The following STX7 variants were observed in gnomAD, a reference collection of about 807,000 sequenced individuals.
STX7 encodes the protein syntaxin 7.
Under a neutral mutation model 39.6 loss-of-function variants are expected in STX7, and 34 were observed. That is an observed-to-expected ratio of 0.86 (90% CI 0.65 to 1.14). The LOEUF (loss-of-function observed/expected upper bound fraction) is 1.14, where lower values mean the gene tolerates loss of function less well. Among genes scored for constraint, STX7 ranks in the 50% most tolerant of loss-of-function variants. STX7 has a pLI of 0.00. For missense variants in STX7, 284 were observed against 310.4 expected (o/e 0.92, Z 0.64); for synonymous variants, 119 against 99.1 (o/e 1.20, Z -1.19).
intron 6 of STX7, 60 bp from the exon 7 acceptor site, chr6:132,470,107 C>A (rs1375051833): frequency 2.4e-6 from 3 of 1,248,194 alleles, no homozygotes; most frequent in Non-Finnish European, 3.3e-6. Context: ...CAATGGGACT[C>A]ATTTCCTATT....
At position 132,451,610 on chromosome 6, in the gene STX7, T is replaced by C. The variant is rs1582637089; in HGVS notation, c.*9148A>G. 1 of 152,168 alleles carries C rather than the reference T, an allele frequency of 6.6e-6. No homozygotes were observed. Among genetic ancestry groups the C allele is most frequent in the African/African-American group, 2.4e-5 (1 of 41,436 alleles). The allele number at this position is 152,168 out of a possible 1,614,324, so 9.4% of individuals were successfully genotyped here. On this transcript the variant is annotated 3_prime_UTR_variant, in exon 10 of 10. Transcript: ENST00000367941. The stretch of plus-strand genomic sequence containing the variant: ...AAGGAAATGATAAATGAAGGAGTTT[T>C]GGAATATCAGACATCAAAAGTCTAA...
intron 2 of STX7, among the ~76,000 whole-genome samples, chr6:132,484,467 C>T (rs1775082190): frequency 6.6e-6 from 1 of 152,108 alleles, no homozygotes; most frequent in South Asian, 2.1e-4. Flanking sequence ...CAGACTTCAC[C>T]AGCAAATGGA....
intron 9 of STX7, among the ~76,000 whole-genome samples, chr6:132,461,442 G>T (rs1260516098): frequency 6.6e-6 from 1 of 152,090 alleles, no homozygotes; most frequent in African/African-American, 2.4e-5. Flanking sequence ...AAGTAGCTGG[G>T]ATTACAGGCG....
At chr6:132,488,912 G>A (rs1048904650) in intron 2 of STX7, among the ~76,000 whole-genome samples, 4 of 151,982 alleles carry the variant, frequency 2.6e-5, no homozygotes, top group African/African-American at 9.7e-5. Flanking sequence ...GTTAAACAAA[G>A]TGATATAGGC....
intron 7 of STX7, 50 bp downstream of exon 7, chr6:132,469,901 A>C: frequency 6.8e-7 from 1 of 1,463,306 alleles, no homozygotes; most frequent in Non-Finnish European, 9.3e-7. Context: ...TCTTGAGAAC[A>C]AACTCACTAA....
intron 2 of STX7, among the ~76,000 whole-genome samples, chr6:132,479,659 A>G (rs543919390): frequency 2.1e-4 from 32 of 152,310 alleles, no homozygotes; most frequent in African/African-American, 7.5e-4. Flanking sequence ...AAAGCCACAT[A>G]TAGACTCAAC....
Position 132,503,599 on chromosome 6 carries a change from T to C in STX7, c.-58-11A>G. 1 of 1,223,332 alleles carries C rather than the reference T, an allele frequency of 8.2e-7. No homozygotes were observed. The highest frequency in any genetic ancestry group is 2.4e-5 in the East Asian group (1 of 41,996). The allele number at this position is 1,223,332 out of a possible 1,614,324, so 75.8% of individuals were successfully genotyped here. A position where few individuals can be genotyped will look rare whatever the true frequency, so the allele number is the denominator to read the frequency against. On this transcript the variant is annotated splice_polypyrimidine_tract_variant and intron_variant, in intron 1 of 9. Coordinates refer to ENST00000367941, the MANE Select transcript of STX7 (RefSeq NM_003569.3). ...TTTCTAAGCAGTCACCTAAATAATA[T>C]AAAAGTCACACAGATATATTTTTTA...
At chr6:132,493,145 G>C (rs940165069) in intron 2 of STX7, among the ~76,000 whole-genome samples, 1 of 152,062 alleles carries the variant, frequency 6.6e-6, no homozygotes, top group African/African-American at 2.4e-5. Context: ...TCATTAATAC[G>C]TAACTTCAAA....
chr6:132,471,622 G>C (rs1206054595), intron 4 of STX7, 22 bp from the exon 5 acceptor site: 1 of 1,606,286 alleles, frequency 6.2e-7, no homozygotes, highest in African/African-American at 1.3e-5. Flanking sequence ...AGAAGAAAAA[G>C]CCAACTAGAA....
chr6:132,460,739 A>G lies in STX7; in HGVS notation c.*19T>C, dbSNP rs374066364. 2 of 1,548,600 alleles carry G rather than the reference A, an allele frequency of 1.3e-6. No individual in the cohort carries two copies. Among genetic ancestry groups the G allele is most frequent in the African/African-American group, 2.7e-5 (2 of 73,350 alleles). On this transcript the variant is annotated 3_prime_UTR_variant, in exon 10 of 10. Coordinates refer to ENST00000367941, the MANE Select transcript of STX7 (RefSeq NM_003569.3). ...CATAATTTAGACAATGTAGTGCGAC[A>G]GTGTGCTCCTTTATAACTTCAGTGG...
Position 132,450,833 on chromosome 6 carries a change from GAAGA to G in STX7, c.*9921_*9924del, listed in dbSNP as rs1213787979. On this transcript the variant is annotated 3_prime_UTR_variant, in exon 10 of 10. Coordinates refer to ENST00000367941, the MANE Select transcript of STX7 (RefSeq NM_003569.3). ...TGTGTCATCAGAGTCTCAAAAGAAA[GAAGA>G]AAGAAGGAAGACTGAAAAAGTTCTT... The G allele has an allele frequency of 2.0e-5, 3 of 151,742 alleles. No individual in the cohort carries two copies. Among genetic ancestry groups the G allele is most frequent in the Non-Finnish European group, 2.9e-5 (2 of 67,940 alleles). The allele number at this position is 151,742 out of a possible 1,614,324, so 9.4% of individuals were successfully genotyped here. A position where few individuals can be genotyped will look rare whatever the true frequency, so the allele number is the denominator to read the frequency against.
intron 2 of STX7, among the ~76,000 whole-genome samples, chr6:132,479,808 T>C (rs1436472871): frequency 2.0e-5 from 3 of 152,218 alleles, no homozygotes; most frequent in Non-Finnish European, 4.4e-5. Context: ...ATTCATCCTT[T>C]GGACTTCCCA....
chr6:132,503,497 C>T lies in STX7; in HGVS notation c.34G>A (p.Ala12Thr), dbSNP rs1044057. ...SYTPGVGGDP[A>T]QLAQRISSNI... ...GAAGAGATCCTCTGGGCCAACTGGGCGGGGTCACCACCAACTCCTGGAGTG... is the reference window on the plus strand; with the variant it reads ...GAAGAGATCCTCTGGGCCAACTGGGTGGGGTCACCACCAACTCCTGGAGTG... The change falls in exon 2 of 10, where the codon GCC (alanine) becomes ACC (threonine). Residue 12 changes from alanine to threonine, a missense_variant. By Grantham distance (58) the Ala-to-Thr change is moderately conservative. Coordinates refer to ENST00000367941, the MANE Select transcript of STX7 (RefSeq NM_003569.3). 8.9e-5 allele frequency: 143 copies of T among 1,613,932 alleles called. No homozygotes were observed. Among genetic ancestry groups the T allele is most frequent in the East Asian group, 6.9e-4 (31 of 44,862 alleles).
At chr6:132,497,388 C>T (rs551089194) in intron 2 of STX7, among the ~76,000 whole-genome samples, 5 of 152,172 alleles carry the variant, frequency 3.3e-5, no homozygotes, top group African/African-American at 9.6e-5. Context: ...AAAGTCAGGA[C>T]ACTGGTTATC....
chr6:132,460,752 A>C lies in STX7; in HGVS notation c.*6T>G, dbSNP rs756943792. On this transcript the variant is annotated 3_prime_UTR_variant, in exon 10 of 10. Coordinates refer to ENST00000367941, the MANE Select transcript of STX7 (RefSeq NM_003569.3). ...ATGTAGTGCGACAGTGTGCTCCTTTATAACTTCAGTGGTTCAATCCCCATA... is the reference window on the plus strand; with the variant it reads ...ATGTAGTGCGACAGTGTGCTCCTTTCTAACTTCAGTGGTTCAATCCCCATA... 1 of 1,603,152 alleles carries C rather than the reference A, an allele frequency of 6.2e-7. No homozygotes were observed. The highest frequency in any genetic ancestry group is 1.1e-5 in the South Asian group (1 of 90,346).
chr6:132,504,986 G>C (rs1298072631), intron 1 of STX7, among the ~76,000 whole-genome samples: 1 of 152,326 alleles, frequency 6.6e-6, no homozygotes, highest in East Asian at 1.9e-4. Flanking sequence ...GGCCAACCCT[G>C]GATCAGATGA....
intron 9 of STX7, among the ~76,000 whole-genome samples, chr6:132,462,475 A>G (rs1450326984): frequency 6.6e-6 from 1 of 152,118 alleles, no homozygotes; most frequent in African/African-American, 2.4e-5. Flanking sequence ...ATTTCCCCCA[A>G]ATCCAAAAGC....
At chr6:132,492,109 A>C (rs7745091) in intron 2 of STX7, among the ~76,000 whole-genome samples, 3,559 of 152,240 alleles carry the variant, frequency 0.023, 128 homozygotes, top group African/African-American at 0.08. Context: ...CTGACCTGGT[A>C]CCAACTCTCT....
At chr6:132,461,894 G>C (rs1230727606) in intron 9 of STX7, 2 of 1,515,322 alleles carry the variant, frequency 1.3e-6, no homozygotes, top group Non-Finnish European at 1.8e-6. Context: ...AATTTACTTT[G>C]TGTCAAGTAG....
Sources: gnomAD v4.1 joint callset for allele counts (sites outside exome capture counted in the v4.1 genomes callset) on GRCh38, gnomAD v4.1.1 for gene constraint, MANE v1.5 for transcripts, NCBI Gene and HGNC (gene_info 2026-07-23, HGNC 2026-07-21) for gene names.